SLC26A2: variants seen among roughly 807,000 people sequenced by gnomAD.
SLC26A2 encodes the protein solute carrier family 26 member 2, also known as sulfate transporter.
A neutral mutation model predicts 41.1 loss-of-function variants in SLC26A2; 36 were observed. That is an observed-to-expected ratio of 0.88 (90% CI 0.67 to 1.16). SLC26A2 has a LOEUF of 1.16. Ranked by LOEUF, SLC26A2 falls within the 50% of genes most tolerant of loss-of-function variation. The pLI is 0.00. For missense variants in SLC26A2, 796 were observed against 869.6 expected (o/e 0.92, Z 1.07); for synonymous variants, 291 against 311.6 (o/e 0.93, Z 0.70).
rs1561824912 is a variant in SLC26A2 at position 149,982,580 on chromosome 5, T to A, written c.*767T>A. ...GAGTCCTTCCTTGTCTTTTCTGTGA[T>A]CTCTGTCCTTGTTTCTGAGACTTTC... is the stretch of plus-strand genomic sequence containing the variant. On this transcript the variant is annotated 3_prime_UTR_variant, in exon 3 of 3. Transcript: ENST00000286298. The A allele has an allele frequency of 6.6e-6, 1 of 152,232 alleles. No individual in the cohort carries two copies. The highest frequency in any genetic ancestry group is 6.5e-5 in the Admixed American group (1 of 15,284). 9.4% of individuals were successfully genotyped at this position (152,232 alleles called of 1,614,324 possible). A position where few individuals can be genotyped will look rare whatever the true frequency, so the allele number is the denominator to read the frequency against.
rs2113698650 is a variant in SLC26A2, at chr5:149,980,975, C to T, written c.1382C>T (p.Ala461Val). The T allele has an allele frequency of 2.5e-6, 4 of 1,614,094 alleles. No homozygotes were observed. In the South Asian group the frequency reaches 3.3e-5, roughly 13 times the overall value. The change falls in exon 3 of 3, where the codon GCC (alanine) becomes GTC (valine). Residue 461 changes from alanine (A) to valine (V), a missense_variant. By Grantham distance (64) the Ala-to-Val change is moderately conservative. Coordinates refer to ENST00000286298, the MANE Select transcript of SLC26A2 (RefSeq NM_000112.4). ...ACTCAGCTTTCTGGTGTGGTAACAGCCCTGGTTCTTTTGTTGGTCCTCCTA... is the reference window on the plus strand; with the variant it reads ...ACTCAGCTTTCTGGTGTGGTAACAGTCCTGGTTCTTTTGTTGGTCCTCCTA... ...CHTQLSGVVTALVLLLVLLVI... is the reference protein window; with the variant it reads ...CHTQLSGVVTVLVLLLVLLVI...
Position 149,980,771 on chromosome 5 carries a change from G to A in SLC26A2, c.1178G>A (p.Gly393Asp), listed in dbSNP as rs794727476. The A allele has an allele frequency of 7.4e-6, 12 of 1,613,848 alleles. No individual in the cohort carries two copies. The highest frequency in any genetic ancestry group is 1.3e-5 in the African/African-American group (1 of 74,908). ...AVDAIAISII[G>D]FAITVSLSEM... ...GATGCAATAGCTATTTCCATCATTG[G>A]TTTTGCTATCACTGTATCACTTTCT... The change falls in exon 3 of 3, where the codon GGT (glycine) becomes GAT (aspartate). Residue 393 changes from glycine to aspartate, a missense_variant. Physicochemically the swap from Gly to Asp is moderately conservative, Grantham distance 94 (BLOSUM62 -1). Transcript: ENST00000286298.
chr5:149,980,399 C>G lies in SLC26A2; in HGVS notation c.806C>G (p.Ala269Gly). 1 of 1,614,064 alleles carries G rather than the reference C, an allele frequency of 6.2e-7. No homozygotes were observed. Among genetic ancestry groups the G allele is most frequent in the South Asian group, 1.1e-5 (1 of 91,078 alleles). ...TCCTTCACTATTCTTACATCTCAGG[C>G]CAAGTATCTTCTTGGGCTCAACCTT... ...GASFTILTSQ[A>G]KYLLGLNLPR... The change falls in exon 3 of 3, where the codon GCC becomes GGC. Residue 269 changes from alanine (A) to glycine (G), a missense_variant. Transcript: ENST00000286298.
chr5:149,960,767 G>C lies in SLC26A2; in HGVS notation c.-238G>C, dbSNP rs11953129. ...GGCCTCGGCCGCGGGCGTTTACACT[G>C]GCTCTGCCTCCGGCATCTCTTCGCC... On this transcript the variant is annotated 5_prime_UTR_variant, in exon 1 of 3. Coordinates refer to ENST00000286298, the MANE Select transcript of SLC26A2 (RefSeq NM_000112.4). 2 of 152,282 alleles carry C rather than the reference G, an allele frequency of 1.3e-5. No homozygotes were observed. The highest frequency in any genetic ancestry group is 4.8e-5 in the African/African-American group (2 of 41,474). The allele number at this position is 152,282 out of a possible 1,614,324, so 9.4% of individuals were successfully genotyped here.
intron 1 of SLC26A2, among the ~76,000 whole-genome samples, chr5:149,961,202 T>A (rs1299533317): frequency 6.6e-6 from 1 of 152,196 alleles, no homozygotes; most frequent in East Asian, 1.9e-4. Flanking sequence ...CCCGTCTGGC[T>A]GGCGGCTGCC....
chr5:149,962,916 CT>C (rs938462759), intron 1 of SLC26A2, among the ~76,000 whole-genome samples: 3 of 152,096 alleles, frequency 2.0e-5, no homozygotes, highest in Non-Finnish European at 2.9e-5. Context: ...GAGAATACAG[CT>C]TTGAACAAAA....
intron 1 of SLC26A2, among the ~76,000 whole-genome samples, chr5:149,974,136 G>A (rs1581229007): frequency 6.6e-6 from 1 of 152,106 alleles, no homozygotes; most frequent in Admixed American, 6.6e-5. Context: ...GGGCAACAGG[G>A]CAAGACCCTA....
chr5:149,978,220 A>G lies in SLC26A2; in HGVS notation c.568A>G (p.Ser190Gly), dbSNP rs760309344. The G allele has an allele frequency of 1.1e-5, 17 of 1,614,032 alleles. No individual in the cohort carries two copies. Among genetic ancestry groups the G allele is most frequent in the Admixed American group, 1.7e-5 (1 of 60,004 alleles). The stretch of plus-strand genomic sequence containing the variant: ...GAAAGCTGGCTATGACAATGCCCAT[A>G]GTGCTCCTTCCTTAGGAATGGTTTC... ...LQKAGYDNAHSAPSLGMVSNG... is the reference protein window; with the variant it reads ...LQKAGYDNAHGAPSLGMVSNG... Residue 190 changes from serine (S) to glycine (G), a missense_variant, in exon 2 of 3, where the codon AGT becomes GGT. Transcript: ENST00000286298.
chr5:149,976,966 T>TA (rs770662484), intron 1 of SLC26A2, among the ~76,000 whole-genome samples: 23 of 152,230 alleles, frequency 1.5e-4, no homozygotes, highest in Non-Finnish European at 3.2e-4. Flanking sequence ...TCATGCCCTT[T>TA]ACATTCAGCA....
intron 1 of SLC26A2, among the ~76,000 whole-genome samples, chr5:149,973,791 T>C (rs1754944546): frequency 6.6e-6 from 1 of 152,106 alleles, no homozygotes; most frequent in African/African-American, 2.4e-5. Flanking sequence ...CACACCACCA[T>C]GCCTGGCCTC....
chr5:149,973,447 C>T (rs1452097593), intron 1 of SLC26A2, among the ~76,000 whole-genome samples: 4 of 151,756 alleles, frequency 2.6e-5, no homozygotes, highest in Non-Finnish European at 4.4e-5. Flanking sequence ...AACTGTCTCT[C>T]TCTCTCTGTG....
chr5:149,970,297 C>T (rs1754878901), intron 1 of SLC26A2, among the ~76,000 whole-genome samples: 1 of 152,060 alleles, frequency 6.6e-6, no homozygotes, highest in South Asian at 2.1e-4. Flanking sequence ...TGATTGAGCC[C>T]AGGAGTTCGA....
intron 1 of SLC26A2, among the ~76,000 whole-genome samples, chr5:149,961,493 A>T (rs1216268925): frequency 6.6e-6 from 1 of 152,176 alleles, no homozygotes; most frequent in African/African-American, 2.4e-5. Flanking sequence ...CACTGGATGG[A>T]TGGAAACACT....
At chr5:149,962,565 C>G (rs1561809554) in intron 1 of SLC26A2, among the ~76,000 whole-genome samples, 1 of 152,126 alleles carries the variant, frequency 6.6e-6, no homozygotes, top group Non-Finnish European at 1.5e-5. Flanking sequence ...TTTCAAACTC[C>G]TGAGCTCAAG....
At position 149,985,193 on chromosome 5, in the gene SLC26A2, C is replaced by G. The variant is rs1755178567; in HGVS notation, c.*3380C>G. The G allele has an allele frequency of 6.6e-6, 1 of 152,204 alleles. No individual in the cohort carries two copies. Among genetic ancestry groups the G allele is most frequent in the African/African-American group, 2.4e-5 (1 of 41,436 alleles). 9.4% of individuals were successfully genotyped at this position (152,204 alleles called of 1,614,324 possible). ...CACAGATTCACCAAAGCTGAAAGGG[C>G]TGAGGAGCTCATGGTAGCCTGGGCT... On this transcript the variant is annotated 3_prime_UTR_variant, in exon 3 of 3. Transcript: ENST00000286298.
At chr5:149,973,589 C>A (rs970142881) in intron 1 of SLC26A2, among the ~76,000 whole-genome samples, 5 of 151,794 alleles carry the variant, frequency 3.3e-5, no homozygotes, top group African/African-American at 1.2e-4. Context: ...GGTCTGCTGG[C>A]CTTAAATCCT....
chr5:149,972,106 C>T (rs1408219709), intron 1 of SLC26A2, among the ~76,000 whole-genome samples: 2 of 152,230 alleles, frequency 1.3e-5, no homozygotes, highest in African/African-American at 4.8e-5. Flanking sequence ...TCCTTTCAAA[C>T]CTGAACTAGA....
Position 149,980,318 on chromosome 5 carries a change from G to A in SLC26A2, c.725G>A (p.Gly242Asp). The change falls in exon 3 of 3, where the codon GGT (glycine) becomes GAT (aspartate). Residue 242 changes from glycine to aspartate, a missense_variant. Gly to Asp is a moderately conservative substitution (Grantham distance 94). Coordinates refer to ENST00000286298, the MANE Select transcript of SLC26A2 (RefSeq NM_000112.4). Reference protein sequence around the residue: ...YQVAMGFFQVGFVSVYLSDAL... With the variant: ...YQVAMGFFQVDFVSVYLSDAL... ...GTAGCGATGGGCTTCTTTCAAGTGG[G>A]TTTTGTTTCTGTCTACCTCTCAGAT... The A allele has an allele frequency of 6.2e-7, 1 of 1,614,014 alleles. No homozygotes were observed. Among genetic ancestry groups the A allele is most frequent in the Non-Finnish European group, 8.5e-7 (1 of 1,179,952 alleles).
Position 149,978,359 on chromosome 5 carries a change from G to T in SLC26A2, c.699+8G>T. 6.3e-7 allele frequency: 1 copy of T among 1,598,668 alleles called. No individual in the cohort carries two copies. Among genetic ancestry groups the T allele is most frequent in the Admixed American group, 1.7e-5 (1 of 60,010 alleles). ...ATAGCTGGAGTTTATCAGGTAAGCA[G>T]CAATGAAACAATTGGTTATTTCTAG... On this transcript the variant is annotated splice_region_variant and intron_variant, in intron 2 of 2. Coordinates refer to ENST00000286298, the MANE Select transcript of SLC26A2 (RefSeq NM_000112.4).
Sources: allele counts gnomAD v4.1 joint callset (sites outside exome capture counted in the v4.1 genomes callset), GRCh38; gene constraint gnomAD v4.1.1; transcripts MANE v1.5; gene names NCBI Gene and HGNC (gene_info 2026-07-23, HGNC 2026-07-21).